Variants in LRRFIP2 observed in about 807,000 individuals in gnomAD.
LRRFIP2 encodes the protein LRR binding FLII interacting protein 2.
A neutral mutation model predicts 125.9 loss-of-function variants in LRRFIP2; 109 were observed. The observed-to-expected ratio is 0.87, with a 90% CI of 0.74 to 1.01. The LOEUF (loss-of-function observed/expected upper bound fraction) is 1.01, where lower values mean the gene tolerates loss of function less well. Ranked by LOEUF, LRRFIP2 falls within the 50% of genes least tolerant of loss-of-function variation. LRRFIP2 has a pLI of 0.00. For synonymous variants in LRRFIP2, 291 were observed against 293.1 expected (o/e 0.99, Z 0.07); for missense variants, 850 against 862.3 (o/e 0.99, Z 0.18).
At chr3:37,072,108 C>G (rs1456597891) in intron 21 of LRRFIP2, among the ~76,000 whole-genome samples, 1 of 152,132 alleles carries the variant, frequency 6.6e-6, no homozygotes, top group Non-Finnish European at 1.5e-5. Context: ...ATAACTTTCT[C>G]CCCACCACTA....
At position 37,109,576 on chromosome 3, in the gene LRRFIP2, G is replaced by GA. The variant is rs2094475799; in HGVS notation, c.565-6dup. The GA allele has an allele frequency of 1.2e-6, 2 of 1,613,822 alleles. No homozygotes were observed. Among genetic ancestry groups the GA allele is most frequent in the Non-Finnish European group, 1.7e-6 (2 of 1,179,880 alleles). On this transcript the variant is annotated splice_polypyrimidine_tract_variant and splice_region_variant and intron_variant, in intron 10 of 27. Transcript: ENST00000336686. ...AGAATTTGCAGTAGGAGAGGCCTAA[G>GA]AAAAAAGTGTATTATTAAACCCCAA...
rs2085991698 is a variant in LRRFIP2, at chr3:37,053,514, G to C, written c.*337C>G. The stretch of plus-strand genomic sequence containing the variant: ...CTCAGTGAGCACTCATAGAATTGCT[G>C]TCTGTCCTCCAGAACCCGTGCCAAG... On this transcript the variant is annotated 3_prime_UTR_variant, in exon 28 of 28. Coordinates refer to ENST00000336686, the MANE Select transcript of LRRFIP2 (RefSeq NM_006309.4). The C allele has an allele frequency of 3.7e-6, 1 of 270,374 alleles. No homozygotes were observed. Among genetic ancestry groups the C allele is most frequent in the African/African-American group, 2.2e-5 (1 of 44,704 alleles). 16.7% of individuals were successfully genotyped at this position (270,374 alleles called of 1,614,324 possible).
At chr3:37,082,312 G>A (rs924700953) in intron 19 of LRRFIP2, among the ~76,000 whole-genome samples, 1 of 152,156 alleles carries the variant, frequency 6.6e-6, no homozygotes, top group African/African-American at 2.4e-5. Context: ...AGTCCAATAT[G>A]AAAACAACTA....
chr3:37,075,139 A>T (rs903226840), intron 19 of LRRFIP2, 23 bp from the exon 20 acceptor site: 1 of 1,521,248 alleles, frequency 6.6e-7, no homozygotes, highest in African/African-American at 1.4e-5. Flanking sequence ...AAATAATATC[A>T]TTTACACAGG....
At chr3:37,145,682 A>C (rs2095840279) in intron 2 of LRRFIP2, among the ~76,000 whole-genome samples, 1 of 152,226 alleles carries the variant, frequency 6.6e-6, no homozygotes, top group Non-Finnish European at 1.5e-5. Context: ...CTTTTGTGAG[A>C]ATCAAGATGT....
intron 4 of LRRFIP2, among the ~76,000 whole-genome samples, chr3:37,126,586 C>T (rs1195994547): frequency 1.3e-5 from 2 of 151,578 alleles, no homozygotes; most frequent in African/African-American, 2.4e-5. Context: ...TGGCTGGGCG[C>T]GGTGGCTCAC....
chr3:37,106,045 G>A (rs959160172), intron 13 of LRRFIP2, among the ~76,000 whole-genome samples: 3 of 152,126 alleles, frequency 2.0e-5, no homozygotes, highest in Non-Finnish European at 4.4e-5. Flanking sequence ...AGTCTGGGTG[G>A]CAGAGCAAGA....
Position 37,127,652 on chromosome 3 carries a change from C to G in LRRFIP2, c.206G>C (p.Trp69Ser), listed in dbSNP as rs772431952. Residue 69 changes from tryptophan to serine, a missense_variant, in exon 4 of 28, where the codon TGG (tryptophan) becomes TCG (serine). Transcript: ENST00000336686. ...EYSLHSFDRK[W>S]GQIQKWLEDS... ...TACCAGCCACTTCTGAATCTGTCCC[C>G]ACTTCCGATCAAAGGAATGAAGAGA... is the stretch of plus-strand genomic sequence containing the variant. The G allele has an allele frequency of 6.2e-7, 1 of 1,613,854 alleles. No individual in the cohort carries two copies. The highest frequency in any genetic ancestry group is 8.5e-7 in the Non-Finnish European group (1 of 1,179,910).
rs746392886 is a variant in LRRFIP2, at chr3:37,108,645, G to A, written c.649C>T (p.Pro217Ser). ...CCCCTATTTAGACTTACAGTTCGAG[G>A]ACCATAAGGGTTATATAATCCACCA... Reference protein sequence around the residue: ...YNGGLYNPYGPRTPSECSYYS... With the variant: ...YNGGLYNPYGSRTPSECSYYS... Residue 217 changes from proline (P) to serine (S), a missense_variant, in exon 12 of 28, where the codon CCT becomes TCT. Physicochemically the swap from Pro to Ser is moderately conservative, Grantham distance 74 (BLOSUM62 -1). Transcript: ENST00000336686. 6.2e-7 allele frequency: 1 copy of A among 1,608,272 alleles called. No individual in the cohort carries two copies. Among genetic ancestry groups the A allele is most frequent in the Non-Finnish European group, 8.5e-7 (1 of 1,175,550 alleles).
intron 1 of LRRFIP2, among the ~76,000 whole-genome samples, chr3:37,162,155 C>CAAAAAA (rs71091697): frequency 8.9e-4 from 66 of 73,870 alleles, no homozygotes; most frequent in South Asian, 1.1e-3. Context: ...GACCCTGTCT[C>CAAAAAA]AAAAAAAAAA....
chr3:37,098,952 C>T (rs1396122161), intron 15 of LRRFIP2, among the ~76,000 whole-genome samples: 1 of 152,158 alleles, frequency 6.6e-6, no homozygotes, highest in African/African-American at 2.4e-5. Flanking sequence ...CCACTTCTCA[C>T]AAAAATGACC....
At chr3:37,159,732 C>T (rs886276188) in intron 1 of LRRFIP2, among the ~76,000 whole-genome samples, 3 of 151,642 alleles carry the variant, frequency 2.0e-5, no homozygotes, top group Non-Finnish European at 2.9e-5. Context: ...TTCTCAAACT[C>T]CTGACATCAG....
intron 1 of LRRFIP2, among the ~76,000 whole-genome samples, chr3:37,168,487 C>A: frequency 6.6e-6 from 1 of 151,988 alleles, no homozygotes; most frequent in African/African-American, 2.4e-5. Flanking sequence ...TTCATAGAGT[C>A]AAAAAGTAGA....
chr3:37,088,621 G>A (rs779319808), intron 18 of LRRFIP2, among the ~76,000 whole-genome samples: 2 of 150,996 alleles, frequency 1.3e-5, no homozygotes, highest in Non-Finnish European at 3.0e-5. Context: ...AGACCATCCT[G>A]GGCAGCATAG....
intron 24 of LRRFIP2, among the ~76,000 whole-genome samples, chr3:37,059,337 C>T (rs1364734447): frequency 6.6e-6 from 1 of 151,922 alleles, no homozygotes; most frequent in African/African-American, 2.4e-5. Context: ...CACAGTGAGA[C>T]CTCATCTCTA....
rs568191796 is a variant in LRRFIP2 at position 37,162,814 on chromosome 3, A to T, written c.-56+11725T>A. On this transcript the variant is annotated intron_variant, in intron 1 of 27. Coordinates refer to ENST00000336686, the MANE Select transcript of LRRFIP2 (RefSeq NM_006309.4). ...AAAATCCCCACAGCCTTTGGGGCAC[A>T]TCCATTTAACATGAGATGTGCCTGG... 3.9e-4 allele frequency among the ~76,000 whole-genome samples: 59 copies of T among 152,204 alleles called. 1 individual carries two copies. The highest frequency in any genetic ancestry group is 7.8e-4 in the Non-Finnish European group (53 of 68,036).
Position 37,060,002 on chromosome 3 carries a change from C to T in LRRFIP2, c.1750-1092G>A, listed in dbSNP as rs373530956. 2.4e-4 allele frequency among the ~76,000 whole-genome samples: 37 copies of T among 152,230 alleles called. No individual in the cohort carries two copies. Among genetic ancestry groups the T allele is most frequent in the African/African-American group, 7.9e-4 (33 of 41,542 alleles). ...CACACAGGGTCACCATCATTAGCTG[C>T]CTTGAGGGAACCAGGACAAATCTCA... On this transcript the variant is annotated intron_variant, in intron 24 of 27. Transcript: ENST00000336686. This position sits in a 1 kb window ranked among gnomAD's most constrained non-coding sequence, Gnocchi z 4.1.
chr3:37,175,642 T>TA (rs1205775641), upstream of LRRFIP2, among the ~76,000 whole-genome samples: 1 of 151,928 alleles, frequency 6.6e-6, no homozygotes, highest in Non-Finnish European at 1.5e-5. Flanking sequence ...GAGGAAGAAG[T>TA]AAAATTCCCA....
intron 8 of LRRFIP2, among the ~76,000 whole-genome samples, chr3:37,112,575 C>T (rs964397984): frequency 2.6e-5 from 4 of 152,020 alleles, no homozygotes; most frequent in East Asian, 1.9e-4. Context: ...AGTTTAGTTA[C>T]GGCCCATAAT....
Sources: gnomAD v4.1 joint callset for allele counts (sites outside exome capture counted in the v4.1 genomes callset) on GRCh38, gnomAD v4.1.1 for gene constraint, Gnocchi (gnomAD v3.1) non-coding constraint, MANE v1.5 for transcripts, NCBI Gene and HGNC (gene_info 2026-07-23, HGNC 2026-07-21) for gene names.